The following CDK8 variants were observed in gnomAD, a reference collection of about 807,000 sequenced individuals.
CDK8 encodes cyclin-dependent kinase 8.
Under a neutral mutation model 71.5 loss-of-function variants are expected in CDK8, and 29 were observed. That is an observed-to-expected ratio of 0.41 (90% CI 0.30 to 0.55). The LOEUF (loss-of-function observed/expected upper bound fraction) is 0.55, where lower values mean the gene tolerates loss of function less well. CDK8 is among the 20% of genes least tolerant of loss of function. The pLI is 0.37. For synonymous variants in CDK8, 161 were observed against 192.1 expected (o/e 0.84, Z 1.34); for missense variants, 288 against 572.6 (o/e 0.50, Z 5.07).
At chr13:26,344,087 A>G (rs1404215336) in intron 2 of CDK8, among the ~76,000 whole-genome samples, 3 of 151,902 alleles carry the variant, frequency 2.0e-5, no homozygotes, top group Non-Finnish European at 4.4e-5. Context: ...TATTGTTGCT[A>G]TCTTTATGTC....
chr13:26,271,950 G>A (rs1295605292), intron 1 of CDK8, among the ~76,000 whole-genome samples: 1 of 150,564 alleles, frequency 6.6e-6, no homozygotes, highest in Non-Finnish European at 1.5e-5. Context: ...GCATGTGAAG[G>A]CCTAGGACAT....
chr13:26,288,545 TA>T (rs1471473658), intron 1 of CDK8, among the ~76,000 whole-genome samples: 3 of 151,538 alleles, frequency 2.0e-5, no homozygotes, highest in Admixed American at 6.6e-5. Flanking sequence ...ATTTATTTCT[TA>T]TTTTTTTTTT....
At chr13:26,394,514 C>G (rs1389315590) in intron 7 of CDK8, among the ~76,000 whole-genome samples, 1 of 152,016 alleles carries the variant, frequency 6.6e-6, no homozygotes, top group Non-Finnish European at 1.5e-5. Context: ...TGATTTTTGC[C>G]CCCTTGGAGT....
Position 26,306,997 on chromosome 13 carries a change from G to A in CDK8, c.129-30570G>A, listed in dbSNP as rs180834325. ...ATGAAAGTTTTGAAAAGTTGTCTTAGGAGAGAAACTCATATTAAAAGCTTT... is the reference window on the plus strand; with the variant it reads ...ATGAAAGTTTTGAAAAGTTGTCTTAAGAGAGAAACTCATATTAAAAGCTTT... On this transcript the variant is annotated intron_variant, in intron 1 of 12. Coordinates refer to ENST00000381527, the MANE Select transcript of CDK8 (RefSeq NM_001260.3). Among the ~76,000 whole-genome samples, 421 of 152,130 alleles carry A rather than the reference G, an allele frequency of 2.8e-3. 4 individuals carry two copies. The highest frequency in any genetic ancestry group is 8.9e-3 in the African/African-American group (371 of 41,528).
intron 1 of CDK8, among the ~76,000 whole-genome samples, chr13:26,257,344 C>CAG (rs1871568148): frequency 6.6e-6 from 1 of 152,050 alleles, no homozygotes; most frequent in African/African-American, 2.4e-5. Context: ...TAATTTAGAC[C>CAG]AGAGAAGTTA....
At chr13:26,369,023 TC>T (rs886327935) in intron 4 of CDK8, among the ~76,000 whole-genome samples, 4 of 152,204 alleles carry the variant, frequency 2.6e-5, no homozygotes, top group African/African-American at 9.6e-5. Flanking sequence ...TCAGTAATCT[TC>T]TGTTCGTATA....
rs975389130 is a variant in CDK8 at position 26,295,427 on chromosome 13, T to C, written c.128+40658T>C. Among the ~76,000 whole-genome samples, 3 of 152,176 alleles carry C rather than the reference T, an allele frequency of 2.0e-5. No homozygotes were observed. The South Asian group carries it at 6.2e-4, about 32-fold the overall frequency. ...CTCAGAGGGGAAGGCAAAAGAGTGA[T>C]ATTTATGAGGCTTTTGGGTTTGGTT... On this transcript the variant is annotated intron_variant, in intron 1 of 12. Coordinates refer to ENST00000381527, the MANE Select transcript of CDK8 (RefSeq NM_001260.3).
At chr13:26,324,253 T>TGA (rs58678839) in intron 1 of CDK8, among the ~76,000 whole-genome samples, 144,006 of 152,174 alleles carry the variant, frequency 0.95, 68,185 homozygotes, top group East Asian at 1. Context: ...ACTCTCCATG[T>TGA]GAGGCAGAGT....
chr13:26,400,518 C>G lies in CDK8; in HGVS notation c.999C>G (p.Pro333=). 2 of 1,612,778 alleles carry G rather than the reference C, an allele frequency of 1.2e-6. No homozygotes were observed. The highest frequency in any genetic ancestry group is 8.5e-7 in the Non-Finnish European group (1 of 1,178,950). ...RITSEQAMQD[P]YFLEDPLPTS... is the part of the protein sequence containing the mutation. ...CCTCAGAACAGGCTATGCAGGACCCCTATTTCTTAGAAGACCCACTTCCTA... is the reference window on the plus strand; with the variant it reads ...CCTCAGAACAGGCTATGCAGGACCCGTATTTCTTAGAAGACCCACTTCCTA... The change falls in exon 10 of 13, where the codon CCC becomes CCG. Residue 333 remains proline, a synonymous_variant. Transcript: ENST00000381527.
intron 1 of CDK8, among the ~76,000 whole-genome samples, chr13:26,270,792 A>G (rs1201482495): frequency 6.6e-6 from 1 of 152,178 alleles, no homozygotes; most frequent in Admixed American, 6.5e-5. Flanking sequence ...TGCTATGAAC[A>G]TGGGTATACA....
rs1423557589 is a variant in CDK8, at chr13:26,313,084, G to A, written c.129-24483G>A. On this transcript the variant is annotated intron_variant, in intron 1 of 12. Transcript: ENST00000381527. ...CACCTTCCATCCAGTTAACTCCCAG[G>A]TCAGATTGGTTATTGTTTCACCTGG... Among the ~76,000 whole-genome samples, 4 of 152,140 alleles carry A rather than the reference G, an allele frequency of 2.6e-5. No individual in the cohort carries two copies. The East Asian group carries it at 5.8e-4, about 22-fold the overall frequency.
intron 1 of CDK8, among the ~76,000 whole-genome samples, chr13:26,318,871 A>G (rs1467645617): frequency 1.3e-5 from 2 of 152,224 alleles, no homozygotes; most frequent in African/African-American, 4.8e-5. Flanking sequence ...CAATGGTGAA[A>G]GACTGAGCAC....
chr13:26,348,911 A>G (rs1217014474), intron 2 of CDK8, among the ~76,000 whole-genome samples, 161 bp from the exon 3 acceptor site: 3 of 152,170 alleles, frequency 2.0e-5, no homozygotes, highest in Admixed American at 6.5e-5. Flanking sequence ...ATATCTTCTC[A>G]TTTGTTACTG....
At chr13:26,320,124 A>T (rs896752524) in intron 1 of CDK8, among the ~76,000 whole-genome samples, 11 of 152,044 alleles carry the variant, frequency 7.2e-5, no homozygotes, top group Admixed American at 6.6e-4. Flanking sequence ...CTCTAGCCAG[A>T]TGTAGTGGCT....
chr13:26,273,345 C>CT (rs1279944637), intron 1 of CDK8, among the ~76,000 whole-genome samples: 11 of 152,028 alleles, frequency 7.2e-5, no homozygotes, highest in Admixed American at 7.2e-4. Context: ...ATTGTTTTGA[C>CT]TTTTTTGTAG....
chr13:26,359,876 C>T (rs753274791), intron 4 of CDK8: 90 of 211,670 alleles, frequency 4.3e-4, no homozygotes, highest in Non-Finnish European at 7.0e-4. Flanking sequence ...CCACCACATC[C>T]GGCCAATTTT....
chr13:26,365,005 AACAG>A (rs1199925250), intron 4 of CDK8, among the ~76,000 whole-genome samples: 24 of 152,172 alleles, frequency 1.6e-4, no homozygotes, highest in Non-Finnish European at 2.9e-4. Context: ...GCGTGTTTAA[AACAG>A]AGCTTTTTGA....
chr13:26,396,337 A>AGAT lies in CDK8; in HGVS notation c.844_846dup (p.Asp282dup). The AGAT allele has an allele frequency of 6.9e-7, 1 of 1,457,986 alleles. No homozygotes were observed. The highest frequency in any genetic ancestry group is 9.4e-7 in the Non-Finnish European group (1 of 1,065,676). The allele number at this position is 1,457,986 out of a possible 1,614,324, so 90.3% of individuals were successfully genotyped here. ...TGCCTGAACATTCAACATTAATGAAAGATTTCAGAAGAAATACGTAAGTTG... is the reference window on the plus strand; with the variant it reads ...TGCCTGAACATTCAACATTAATGAAAGATGATTTCAGAAGAAATACGTAAGTTG... On this transcript the variant is annotated inframe_insertion, in exon 8 of 13. Transcript: ENST00000381527.
chr13:26,335,098 A>G (rs1033333644), intron 1 of CDK8, among the ~76,000 whole-genome samples: 1 of 152,046 alleles, frequency 6.6e-6, no homozygotes, highest in Non-Finnish European at 1.5e-5. Flanking sequence ...AGTCTCTTCC[A>G]TCTTAAGAAA....
Sources: allele counts gnomAD v4.1 joint callset (sites outside exome capture counted in the v4.1 genomes callset), GRCh38; gene constraint gnomAD v4.1.1; transcripts MANE v1.5; gene names NCBI Gene and HGNC (gene_info 2026-07-23, HGNC 2026-07-21).